FRMD4A: variants seen among roughly 807,000 people sequenced by gnomAD.
FRMD4A encodes FERM domain-containing protein 4A.
In FRMD4A, 29 loss-of-function variants were observed where a neutral mutation model predicts 129.1. The ratio of observed to expected loss-of-function variants is 0.22; its 90% CI spans 0.17 to 0.31. The LOEUF (loss-of-function observed/expected upper bound fraction) is 0.31, where lower values mean the gene tolerates loss of function less well. Among genes scored for constraint, FRMD4A ranks in the 10% least tolerant of loss-of-function variants. FRMD4A has a pLI of 1.00. For missense variants in FRMD4A, 1,272 were observed against 1,375.8 expected (o/e 0.92, Z 1.19); for synonymous variants, 634 against 571.6 (o/e 1.11, Z -1.56).
intron 15 of FRMD4A, among the ~76,000 whole-genome samples, chr10:13,686,786 G>A (rs1312559047): frequency 6.6e-6 from 1 of 152,110 alleles, no homozygotes; most frequent in Non-Finnish European, 1.5e-5. Context: ...GTCGTTTATG[G>A]CCCTAGACTT....
At chr10:13,933,532 A>G (rs148428415) in intron 2 of FRMD4A, among the ~76,000 whole-genome samples, 70 of 152,274 alleles carry the variant, frequency 4.6e-4, no homozygotes, top group Non-Finnish European at 4.0e-4. Context: ...CACCAGTAAC[A>G]TTACTACATT....
At chr10:13,671,782 C>A (rs2083530020) in intron 16 of FRMD4A, among the ~76,000 whole-genome samples, 1 of 152,228 alleles carries the variant, frequency 6.6e-6, no homozygotes, top group Non-Finnish European at 1.5e-5. Flanking sequence ...CCAGAAAAGG[C>A]TGGGGGACCA....
chr10:13,795,444 C>G (rs967077473), intron 5 of FRMD4A, among the ~76,000 whole-genome samples: 2 of 152,188 alleles, frequency 1.3e-5, no homozygotes, highest in Admixed American at 6.5e-5. Flanking sequence ...TTAAGTGGAC[C>G]CTTTAACTCT....
chr10:13,741,691 C>T (rs552263165), intron 9 of FRMD4A, among the ~76,000 whole-genome samples: 16 of 152,168 alleles, frequency 1.1e-4, no homozygotes, highest in African/African-American at 2.9e-4. Context: ...GCTCTGAATG[C>T]GTAGTCAGGA....
At chr10:13,974,793 C>A (rs2095535403) in intron 2 of FRMD4A, among the ~76,000 whole-genome samples, 1 of 152,190 alleles carries the variant, frequency 6.6e-6, no homozygotes, top group Non-Finnish European at 1.5e-5. Flanking sequence ...TCCCAAAGTG[C>A]TGGGATTACA....
rs1459169533 is a variant in FRMD4A at position 13,981,721 on chromosome 10, A to G, written c.46-122809T>C. Among the ~76,000 whole-genome samples the G allele has an allele frequency of 2.8e-5, 4 of 143,692 alleles. No individual in the cohort carries two copies. The South Asian group carries it at 9.1e-4, about 33-fold the overall frequency. The allele number at this position is 143,692 out of a possible 152,430, so 94.3% of individuals were successfully genotyped here. On this transcript the variant is annotated intron_variant, in intron 2 of 24. Transcript: ENST00000357447. Reference sequence around the variant, plus strand: ...GCCATTGCACTCCAGCCTGGGCAACAGGGCAAGACTCCGTGTCAAAAAAAA... The same window carrying G: ...GCCATTGCACTCCAGCCTGGGCAACGGGGCAAGACTCCGTGTCAAAAAAAA...
At position 14,185,772 on chromosome 10, in the gene FRMD4A, AC is replaced by A. The variant is rs1554779952; in HGVS notation, c.45+144285del. Among the ~76,000 whole-genome samples the A allele has an allele frequency of 3.7e-3, 557 of 152,288 alleles. 2 individuals are homozygous for A. Among genetic ancestry groups the A allele is most frequent in the African/African-American group, 0.01 (417 of 41,576 alleles). The stretch of plus-strand genomic sequence containing the variant: ...GACCAGGCTAGTACCAGCCAAAGCA[AC>A]AGATACGTACAATCCAGACTAGTCC... On this transcript the variant is annotated intron_variant, in intron 2 of 24. Transcript: ENST00000357447.
At chr10:13,881,681 T>C (rs1295533702) in intron 2 of FRMD4A, among the ~76,000 whole-genome samples, 1 of 152,088 alleles carries the variant, frequency 6.6e-6, no homozygotes, top group Non-Finnish European at 1.5e-5. Context: ...CGCTGGGTGC[T>C]GTGCTGTCAA....
At chr10:13,969,393 C>T (rs1319711248) in intron 2 of FRMD4A, among the ~76,000 whole-genome samples, 1 of 152,252 alleles carries the variant, frequency 6.6e-6, no homozygotes, top group Non-Finnish European at 1.5e-5. Flanking sequence ...TGCTGAGGAC[C>T]TGTCTGCAGA....
At chr10:13,841,702 A>G (rs1314847696) in intron 3 of FRMD4A, among the ~76,000 whole-genome samples, 1 of 152,176 alleles carries the variant, frequency 6.6e-6, no homozygotes, top group Non-Finnish European at 1.5e-5. Context: ...CTTATCCAAT[A>G]TGTCTCCTCA....
chr10:14,024,933 G>A (rs1327050879), intron 2 of FRMD4A, among the ~76,000 whole-genome samples: 2 of 152,224 alleles, frequency 1.3e-5, no homozygotes, highest in African/African-American at 4.8e-5. Flanking sequence ...ATTGTCGAAC[G>A]GGGGCAGTGG....
At chr10:14,324,428 G>T (rs1012488492) in intron 2 of FRMD4A, among the ~76,000 whole-genome samples, 1 of 152,174 alleles carries the variant, frequency 6.6e-6, no homozygotes, top group Non-Finnish European at 1.5e-5. Context: ...AAACCAGAAA[G>T]ATAGATGATA....
chr10:14,120,398 T>G (rs1321279742), intron 2 of FRMD4A, among the ~76,000 whole-genome samples: 1 of 152,266 alleles, frequency 6.6e-6, no homozygotes, highest in East Asian at 1.9e-4. Flanking sequence ...CCAGAGCACT[T>G]ATGCAGGTTG....
At chr10:13,935,715 T>C (rs1005764614) in intron 2 of FRMD4A, among the ~76,000 whole-genome samples, 1 of 152,172 alleles carries the variant, frequency 6.6e-6, no homozygotes, top group Non-Finnish European at 1.5e-5. Flanking sequence ...GGCTGTGTTG[T>C]GCTCTTTCCA....
At chr10:13,824,894 C>CACA (rs1491225655) in intron 3 of FRMD4A, among the ~76,000 whole-genome samples, 1 of 54,834 alleles carries the variant, frequency 1.8e-5, no homozygotes, top group South Asian at 7.0e-4. Flanking sequence ...GACTCTGTCT[C>CACA]AAAAAAAAAA....
At chr10:13,784,205 A>G (rs1588699866) in intron 5 of FRMD4A, among the ~76,000 whole-genome samples, 1 of 152,186 alleles carries the variant, frequency 6.6e-6, no homozygotes, top group East Asian at 1.9e-4. Context: ...GAATAGTGTT[A>G]TAATCTGAGG....
At chr10:14,185,594 A>G (rs1315061330) in intron 2 of FRMD4A, among the ~76,000 whole-genome samples, 2 of 149,656 alleles carry the variant, frequency 1.3e-5, no homozygotes, top group Admixed American at 6.8e-5. Context: ...AAGAAAGAGA[A>G]ACAGGTAGAG....
At chr10:13,986,924 C>T (rs1461988259) in intron 2 of FRMD4A, among the ~76,000 whole-genome samples, 1 of 151,900 alleles carries the variant, frequency 6.6e-6, no homozygotes, top group African/African-American at 2.4e-5. Flanking sequence ...GTTCTCATAC[C>T]TGTATGAGAA....
intron 2 of FRMD4A, among the ~76,000 whole-genome samples, chr10:14,211,651 C>T (rs1477713422): frequency 2.6e-5 from 4 of 152,188 alleles, no homozygotes; most frequent in African/African-American, 9.7e-5. Context: ...CCAGCTTAGC[C>T]TGCTATCCCC....
Sources: allele counts gnomAD v4.1 joint callset (sites outside exome capture counted in the v4.1 genomes callset), GRCh38; gene constraint gnomAD v4.1.1; transcripts MANE v1.5; gene names NCBI Gene and HGNC (gene_info 2026-07-23, HGNC 2026-07-21).